Variants in KYAT1 observed in about 807,000 individuals in gnomAD.
The protein encoded by KYAT1 is kynurenine--oxoglutarate transaminase 1.
Under a neutral mutation model 52.4 loss-of-function variants are expected in KYAT1, and 47 were observed. That is an observed-to-expected ratio of 0.90 (90% CI 0.71 to 1.14). KYAT1 has a LOEUF of 1.14. KYAT1 is among the 50% of genes most tolerant of loss of function. The probability of loss-of-function intolerance (pLI) is 0.00; values close to 1 mark genes in which losing one functional copy is unlikely to be tolerated. For missense variants in KYAT1, 480 were observed against 557.9 expected, an observed-to-expected ratio of 0.86 and a Z score of 1.41; for synonymous variants, 212 against 209.6, an observed-to-expected ratio of 1.01 and a Z score of -0.10.
At chr9:128,855,026 C>A (rs1834426293) in intron 1 of KYAT1, among the ~76,000 whole-genome samples, 1 of 152,128 alleles carries the variant, frequency 6.6e-6, no homozygotes, top group African/African-American at 2.4e-5. Flanking sequence ...TTACAGGACT[C>A]TTCTTATCAA....
At chr9:128,835,903 T>C (rs1008004810) in intron 8 of KYAT1, 35 bp from the exon 9 acceptor site, 2 of 1,610,120 alleles carry the variant, frequency 1.2e-6, no homozygotes, top group African/African-American at 2.7e-5. Flanking sequence ...GAGAGGTCCT[T>C]CCAGACCTGG....
chr9:128,865,322 TATATATATATATATATATATATATA>T (rs1564491279), intron 1 of KYAT1, among the ~76,000 whole-genome samples: 2 of 958 alleles, frequency 2.1e-3, no homozygotes, highest in Non-Finnish European at 3.2e-3. Flanking sequence ...TATATATATA[TATATATATATATATATATATATATA>T]TATATATATA....
At chr9:128,843,323 C>A (rs1391454773) in intron 2 of KYAT1, among the ~76,000 whole-genome samples, 1 of 152,044 alleles carries the variant, frequency 6.6e-6, no homozygotes, top group East Asian at 1.9e-4. Flanking sequence ...TTGTTAATCG[C>A]AGGAATCAGC....
In KYAT1 at chr9:128,835,881, C is replaced by T. The variant is rs148851411; in HGVS notation, c.766-13G>A. 5.0e-5 allele frequency: 81 copies of T among 1,613,076 alleles called. No homozygotes were observed. Among genetic ancestry groups the T allele is most frequent in the Admixed American group, 2.7e-4 (16 of 60,016 alleles). ...GGACCCAGCCCACCTGCAGCAGGGG[C>T]GCAGGTAGGGGGAGAGGTCCTTCCA... On this transcript the variant is annotated splice_polypyrimidine_tract_variant and intron_variant, in intron 8 of 12. Transcript: ENST00000302586.
chr9:128,841,376 G>T (rs1457988852), intron 3 of KYAT1, among the ~76,000 whole-genome samples: 1 of 152,048 alleles, frequency 6.6e-6, no homozygotes, highest in South Asian at 2.1e-4. Context: ...GGTGGCGGGC[G>T]CCTGTAATCC....
intron 1 of KYAT1, among the ~76,000 whole-genome samples, chr9:128,878,885 G>C (rs578053901): frequency 1.1e-4 from 16 of 152,188 alleles, no homozygotes; most frequent in Non-Finnish European, 2.4e-4. Flanking sequence ...CTTGGAGGAG[G>C]TGGCATCAGC....
chr9:128,866,242 G>A (rs751971959), intron 1 of KYAT1, among the ~76,000 whole-genome samples: 1 of 152,068 alleles, frequency 6.6e-6, no homozygotes, highest in Non-Finnish European at 1.5e-5. Context: ...TGTATAAATC[G>A]ACAACAAAAG....
intron 3 of KYAT1, among the ~76,000 whole-genome samples, chr9:128,840,205 G>A (rs180957189): frequency 5.3e-5 from 8 of 152,308 alleles, no homozygotes; most frequent in Admixed American, 5.2e-4. Context: ...GGGAGGCTAA[G>A]GTGGGAGGAT....
At chr9:128,845,971 C>T (rs967516460) in intron 1 of KYAT1, among the ~76,000 whole-genome samples, 3 of 152,216 alleles carry the variant, frequency 2.0e-5, no homozygotes, top group Non-Finnish European at 4.4e-5. Flanking sequence ...GGCCACACAA[C>T]ACACACACTC....
At chr9:128,842,858 C>G in intron 2 of KYAT1, 57 bp from the exon 3 acceptor site, 1 of 1,555,200 alleles carries the variant, frequency 6.4e-7, no homozygotes, top group Non-Finnish European at 8.7e-7. Flanking sequence ...ACCTGGACTT[C>G]GGCCTGTTTA....
chr9:128,847,311 C>A (rs1833255359), intron 1 of KYAT1: 2 of 629,390 alleles, frequency 3.2e-6, no homozygotes, highest in Non-Finnish European at 5.5e-6. Flanking sequence ...CACATACAGG[C>A]TGCAGTTAAA....
intron 11 of KYAT1, among the ~76,000 whole-genome samples, chr9:128,834,471 G>C (rs1830646987): frequency 6.6e-6 from 1 of 152,022 alleles, no homozygotes; most frequent in Non-Finnish European, 1.5e-5. Flanking sequence ...TGGGAAGATG[G>C]AGATCCAAAG....
chr9:128,875,912 A>G (rs1837951921), intron 1 of KYAT1, among the ~76,000 whole-genome samples: 1 of 152,056 alleles, frequency 6.6e-6, no homozygotes, highest in Non-Finnish European at 1.5e-5. Context: ...CGTGGAATGC[A>G]TCACTGATGC....
At chr9:128,834,857 C>CCAGGAG (rs1457618673) in intron 11 of KYAT1, among the ~76,000 whole-genome samples, 15 of 121,042 alleles carry the variant, frequency 1.2e-4, no homozygotes, top group African/African-American at 5.4e-4. Flanking sequence ...AAAAAAAAGG[C>CCAGGAG]CAGGAGCAGT....
chr9:128,835,381 G>C lies in KYAT1; in HGVS notation c.1064C>G (p.Pro355Arg). 2 of 1,614,054 alleles carry C rather than the reference G, an allele frequency of 1.2e-6. No homozygotes were observed. Among genetic ancestry groups the C allele is most frequent in the Non-Finnish European group, 1.7e-6 (2 of 1,180,022 alleles). Residue 355 changes from proline (P) to arginine (R), a missense_variant, in exon 11 of 13, where the codon CCT becomes CGT. Physicochemically the swap from Pro to Arg is moderately radical, Grantham distance 103 (BLOSUM62 -2). Coordinates refer to ENST00000302586, the MANE Select transcript of KYAT1 (RefSeq NM_004059.5). ...SDFKRKMPDLPGAVDEPYDRR... is the reference protein window; with the variant it reads ...SDFKRKMPDLRGAVDEPYDRR... ...GTCATAGGGCTCATCCACAGCTCCA[G>C]GCAAGTCAGGCATCTTCCTCTCTGG...
intron 1 of KYAT1, among the ~76,000 whole-genome samples, chr9:128,871,002 T>C (rs1837147896): frequency 6.7e-6 from 1 of 149,776 alleles, no homozygotes; most frequent in East Asian, 2.0e-4. Flanking sequence ...AAGAACAATA[T>C]AACCCATTTA....
chr9:128,840,566 A>T, intron 3 of KYAT1: 1 of 420,860 alleles, frequency 2.4e-6, no homozygotes. Flanking sequence ...CTCTAGTTAA[A>T]AGAAAAAAAA....
At chr9:128,857,768 G>A (rs367762457) in intron 1 of KYAT1, among the ~76,000 whole-genome samples, 12 of 152,234 alleles carry the variant, frequency 7.9e-5, no homozygotes, top group African/African-American at 2.2e-4. Flanking sequence ...CCCGGGAGGC[G>A]GAGCTTGCAG....
chr9:128,873,478 A>C (rs1249822821), intron 1 of KYAT1, among the ~76,000 whole-genome samples: 2 of 152,124 alleles, frequency 1.3e-5, no homozygotes, highest in African/African-American at 4.8e-5. Context: ...ATTTTATTGC[A>C]AATAGCTTGG....
Sources: allele counts gnomAD v4.1 joint callset (sites outside exome capture counted in the v4.1 genomes callset), GRCh38; gene constraint gnomAD v4.1.1; transcripts MANE v1.5; gene names NCBI Gene and HGNC (gene_info 2026-07-23, HGNC 2026-07-21).